The following VSTM1 variants were observed in gnomAD, a reference collection of about 807,000 sequenced individuals.
The protein encoded by VSTM1 is V-set and transmembrane domain containing 1.
In VSTM1, 27 loss-of-function variants were observed where a neutral mutation model predicts 33.1. That is an observed-to-expected ratio of 0.82 (90% CI 0.60 to 1.12). The LOEUF (loss-of-function observed/expected upper bound fraction) is 1.12. Among genes scored for constraint, VSTM1 ranks in the 50% most tolerant of loss-of-function variants. VSTM1 has a pLI of 0.00. For missense variants in VSTM1, 304 were observed against 288.9 expected, an observed-to-expected ratio of 1.05 and a Z score of -0.38; for synonymous variants, 115 against 110.3, an observed-to-expected ratio of 1.04 and a Z score of -0.27.
At chr19:54,052,290 C>A (rs867082195) in intron 3 of VSTM1, among the ~76,000 whole-genome samples, 1 of 129,992 alleles carries the variant, frequency 7.7e-6, no homozygotes, top group South Asian at 2.6e-4. Context: ...CCCAGCTACT[C>A]GGGAGGCTGA....
intron 1 of VSTM1, among the ~76,000 whole-genome samples, chr19:54,061,563 A>T (rs1412597006): frequency 5.9e-5 from 9 of 152,176 alleles, no homozygotes; most frequent in African/African-American, 1.9e-4. Context: ...CTGCAATCAT[A>T]GTGCTTTGGG....
rs767205271 is a variant in VSTM1, at chr19:54,058,523, G to A, written c.138C>T (p.Thr46=). 1 of 1,614,058 alleles carries A rather than the reference G, an allele frequency of 6.2e-7. No individual in the cohort carries two copies. ...SSVVEAESNV[T]LKCQAHSQNV... ...TCTGGGAATGAGCCTGACACTTCAG[G>A]GTCACATTGCTCTCGGCTTCAACCA... is the stretch of plus-strand genomic sequence containing the variant. Residue 46 remains threonine, a synonymous_variant, in exon 3 of 9, where the codon ACC becomes ACT. Coordinates refer to ENST00000338372, the MANE Select transcript of VSTM1 (RefSeq NM_198481.4).
chr19:54,055,338 C>T (rs4077075), intron 3 of VSTM1, among the ~76,000 whole-genome samples: 43,926 of 140,680 alleles, frequency 0.31, 12,021 homozygotes, highest in Non-Finnish European at 0.38. Context: ...TTTGTGACAC[C>T]GGGGAGGTCA....
intron 3 of VSTM1, among the ~76,000 whole-genome samples, chr19:54,054,894 T>C (rs568756581): frequency 1.5e-5 from 2 of 133,102 alleles, no homozygotes; most frequent in Admixed American, 1.6e-4. Flanking sequence ...AGTTGATGGA[T>C]AGATGGATAA....
chr19:54,062,187 CAT>C (rs2071425635), intron 1 of VSTM1, among the ~76,000 whole-genome samples: 1 of 151,852 alleles, frequency 6.6e-6, no homozygotes, highest in Non-Finnish European at 1.5e-5. Flanking sequence ...AATTGTCAGC[CAT>C]CACTAGAAGA....
At chr19:54,045,542 C>T (rs1251947989) in intron 4 of VSTM1, among the ~76,000 whole-genome samples, 3 of 152,132 alleles carry the variant, frequency 2.0e-5, no homozygotes, top group Non-Finnish European at 4.4e-5. Flanking sequence ...ACTTATCTAT[C>T]TACCGACTTA....
At chr19:54,061,133 T>G (rs2071377227) in intron 1 of VSTM1, among the ~76,000 whole-genome samples, 1 of 149,366 alleles carries the variant, frequency 6.7e-6, no homozygotes, top group Non-Finnish European at 1.5e-5. Context: ...TTTTCCTGCC[T>G]CAGCCTCCCG....
chr19:54,050,052 G>A (rs1414666934), intron 4 of VSTM1, among the ~76,000 whole-genome samples: 1 of 146,948 alleles, frequency 6.8e-6, no homozygotes, highest in Non-Finnish European at 1.5e-5. Context: ...AGGCTGGAGG[G>A]CAGTGGTGTA....
At chr19:54,041,459 G>T (rs1030526926) in intron 8 of VSTM1, among the ~76,000 whole-genome samples, 2 of 151,840 alleles carry the variant, frequency 1.3e-5, no homozygotes, top group East Asian at 1.9e-4. Flanking sequence ...CCACTACCAC[G>T]CCCAGCTAAT....
At chr19:54,063,113 G>A (rs532332823) in intron 1 of VSTM1, among the ~76,000 whole-genome samples, 14 of 152,140 alleles carry the variant, frequency 9.2e-5, no homozygotes, top group East Asian at 7.7e-4. Context: ...TGAGGCGGGC[G>A]GATCACCTGA....
intron 4 of VSTM1, 58 bp downstream of exon 4, chr19:54,051,351 CA>C: frequency 1.4e-6 from 2 of 1,404,540 alleles, no homozygotes; most frequent in Non-Finnish European, 2.0e-6. Context: ...GCACTTTAAG[CA>C]AAGGTGATCA....
At chr19:54,062,736 A>AAAT (rs1360361121) in intron 1 of VSTM1, among the ~76,000 whole-genome samples, 4 of 150,214 alleles carry the variant, frequency 2.7e-5, no homozygotes, top group African/African-American at 9.9e-5. Flanking sequence ...AAAAAAAAAA[A>AAAT]TGCTCATCTA....
At chr19:54,042,087 G>T (rs1024719085) in intron 6 of VSTM1, 82 bp downstream of exon 6, 5 of 1,608,692 alleles carry the variant, frequency 3.1e-6, no homozygotes, top group Admixed American at 3.3e-5. Flanking sequence ...GGGGGCTCAG[G>T]GTGCCAATCC....
At chr19:54,052,174 A>G (rs968338850) in intron 3 of VSTM1, among the ~76,000 whole-genome samples, 28 of 151,618 alleles carry the variant, frequency 1.8e-4, no homozygotes, top group African/African-American at 3.9e-4. Context: ...CGAGGCGGGC[A>G]GATCACAAGG....
At chr19:54,051,326 T>C in intron 4 of VSTM1, 84 bp downstream of exon 4, 1 of 1,141,932 alleles carries the variant, frequency 8.8e-7, no homozygotes, top group Admixed American at 2.5e-5. Context: ...AACAAATAAA[T>C]AAAGTTCTCC....
At chr19:54,041,125 G>T (rs763742822) in intron 8 of VSTM1, 45 bp from the exon 9 acceptor site, 1 of 1,487,594 alleles carries the variant, frequency 6.7e-7, no homozygotes, top group Non-Finnish European at 8.9e-7. Context: ...GTTCAATATG[G>T]CAGCCACTAG....
intron 1 of VSTM1, 151 bp from the exon 2 acceptor site, chr19:54,058,883 A>G (rs970054300): frequency 1.1e-5 from 4 of 355,538 alleles, no homozygotes; most frequent in Admixed American, 4.8e-5. Flanking sequence ...TATTAAGTAT[A>G]TGTACACATA....
At chr19:54,059,843 T>G (rs1346113260) in intron 1 of VSTM1, among the ~76,000 whole-genome samples, 1 of 93,034 alleles carries the variant, frequency 1.1e-5, no homozygotes, top group Admixed American at 1.1e-4. Flanking sequence ...GAGTGGTGGG[T>G]TTTTTTTTTT....
At chr19:54,044,518 T>A (rs749559114) in intron 4 of VSTM1, among the ~76,000 whole-genome samples, 2 of 151,978 alleles carry the variant, frequency 1.3e-5, no homozygotes, top group Non-Finnish European at 2.9e-5. Flanking sequence ...CGAGATCGCA[T>A]CACTGCATCA....
Sources: allele counts gnomAD v4.1 joint callset (sites outside exome capture counted in the v4.1 genomes callset), GRCh38; gene constraint gnomAD v4.1.1; transcripts MANE v1.5; gene names NCBI Gene and HGNC (gene_info 2026-07-23, HGNC 2026-07-21).